The following UGT1A7 variants were observed in gnomAD, a reference collection of about 807,000 sequenced individuals.
UGT1A7 encodes the protein UDP glucuronosyltransferase family 1 member A7.
Under a neutral mutation model 45.6 loss-of-function variants are expected in UGT1A7, and 33 were observed. That is an observed-to-expected ratio of 0.72 (90% CI 0.55 to 0.97). UGT1A7 has a LOEUF of 0.97. UGT1A7 is among the 50% of genes least tolerant of loss of function. The pLI, the probability that UGT1A7 is intolerant of heterozygous loss-of-function variation, is 0.00. For missense variants in UGT1A7, 684 were observed against 666.2 expected, an observed-to-expected ratio of 1.03 and a Z score of -0.29; for synonymous variants, 274 against 250.6, an observed-to-expected ratio of 1.09 and a Z score of -0.88.
intron 1 of UGT1A7, chr2:233,761,142 A>G: frequency 5.0e-6 from 8 of 1,614,232 alleles, no homozygotes; most frequent in Non-Finnish European, 5.9e-6. Context: ...ACCAAAATCC[A>G]CTATCCCAGG....
intron 1 of UGT1A7, chr2:233,755,113 A>G (rs1695768898): frequency 4.5e-6 from 6 of 1,332,422 alleles, no homozygotes; most frequent in Non-Finnish European, 6.1e-6. Flanking sequence ...AACACCTCGT[A>G]GGCCTCAGCC....
At chr2:233,762,544 T>C (rs755070967) in intron 1 of UGT1A7, among the ~76,000 whole-genome samples, 100 of 152,370 alleles carry the variant, frequency 6.6e-4, no homozygotes, top group Middle Eastern at 6.8e-3. Flanking sequence ...TACCACAGTG[T>C]ATTCTGCTGG....
At chr2:233,753,815 C>T (rs973351937) in intron 1 of UGT1A7, among the ~76,000 whole-genome samples, 12 of 152,170 alleles carry the variant, frequency 7.9e-5, no homozygotes, top group Admixed American at 5.2e-4. Context: ...TGGAGAACCA[C>T]GTTAGGGCTG....
At chr2:233,687,583 T>TAA (rs71398794) in intron 1 of UGT1A7, among the ~76,000 whole-genome samples, 17 of 107,406 alleles carry the variant, frequency 1.6e-4, no homozygotes, top group Admixed American at 4.2e-4. Flanking sequence ...ACATTCTTTG[T>TAA]AAAAAAAAAA....
intron 1 of UGT1A7, chr2:233,755,013 G>A (rs1255177181): frequency 7.7e-7 from 1 of 1,294,530 alleles, no homozygotes; most frequent in Admixed American, 1.9e-5. Flanking sequence ...CTACTCGAAG[G>A]GGTCCTTGAA....
chr2:233,692,974 T>C, intron 1 of UGT1A7: 1 of 1,612,390 alleles, frequency 6.2e-7, no homozygotes, highest in South Asian at 1.1e-5. Flanking sequence ...GAAAACTCTT[T>C]ATTACCGTTG....
intron 1 of UGT1A7, among the ~76,000 whole-genome samples, chr2:233,694,833 A>C (rs2075242896): frequency 6.6e-6 from 1 of 152,210 alleles, no homozygotes; most frequent in African/African-American, 2.4e-5. Flanking sequence ...AAAACATAGA[A>C]TGTCAGGATT....
chr2:233,706,757 A>G (rs2075922753), intron 1 of UGT1A7, among the ~76,000 whole-genome samples: 1 of 152,212 alleles, frequency 6.6e-6, no homozygotes, highest in African/African-American at 2.4e-5. Context: ...AGAGTGCCGT[A>G]CACTGGTATC....
At chr2:233,760,294 G>A (rs1697387669) in intron 1 of UGT1A7, 1 of 1,613,420 alleles carries the variant, frequency 6.2e-7, no homozygotes, top group East Asian at 2.2e-5. Context: ...CGCCATGGCT[G>A]TGGAGTCCCA....
intron 1 of UGT1A7, among the ~76,000 whole-genome samples, chr2:233,684,305 C>T (rs918223536): frequency 8.5e-5 from 13 of 152,174 alleles, no homozygotes; most frequent in Non-Finnish European, 1.8e-4. Context: ...CAAGACCAGG[C>T]GAGGAGATGC....
chr2:233,686,715 G>A (rs138506626), intron 1 of UGT1A7, among the ~76,000 whole-genome samples: 93 of 152,138 alleles, frequency 6.1e-4, no homozygotes, highest in African/African-American at 2.1e-3. Flanking sequence ...CCCTCCCACC[G>A]GCTATGAAGG....
intron 1 of UGT1A7, among the ~76,000 whole-genome samples, chr2:233,727,335 C>T (rs1297453544): frequency 1.3e-5 from 2 of 152,170 alleles, no homozygotes; most frequent in Admixed American, 1.3e-4. Context: ...GAGCTCCTCC[C>T]TCCCCATAGT....
At position 233,721,338 on chromosome 2, in the gene UGT1A7, A is replaced by C. The variant is rs569629539; in HGVS notation, c.855+38546A>C. On this transcript the variant is annotated intron_variant, in intron 1 of 4. Transcript: ENST00000373426. Reference sequence around the variant, plus strand: ...TCTTTTCTTGTGGTTTTTCACTATGAATATATTCTTTAGACTGAACTGCAC... The same window carrying C: ...TCTTTTCTTGTGGTTTTTCACTATGCATATATTCTTTAGACTGAACTGCAC... Among the ~76,000 whole-genome samples, 10 of 152,226 alleles carry C rather than the reference A, an allele frequency of 6.6e-5. No homozygotes were observed. The South Asian group carries it at 1.9e-3, about 28-fold the overall frequency.
chr2:233,705,149 AG>A (rs1246155898), intron 1 of UGT1A7, among the ~76,000 whole-genome samples: 3 of 145,754 alleles, frequency 2.1e-5, no homozygotes, highest in African/African-American at 5.2e-5. Context: ...AAAAAAAAAA[AG>A]AGAGAGAGAG....
intron 1 of UGT1A7, among the ~76,000 whole-genome samples, chr2:233,702,352 T>C (rs891619991): frequency 3.9e-5 from 6 of 152,206 alleles, no homozygotes; most frequent in African/African-American, 1.2e-4. Flanking sequence ...TCTAATAGTT[T>C]TTTTTTAGTG....
intron 1 of UGT1A7, among the ~76,000 whole-genome samples, chr2:233,696,067 T>A (rs1181513813): frequency 6.6e-6 from 1 of 152,174 alleles, no homozygotes; most frequent in Non-Finnish European, 1.5e-5. Flanking sequence ...GTACAGCCAC[T>A]ATGAAGAACA....
intron 1 of UGT1A7, among the ~76,000 whole-genome samples, chr2:233,766,542 G>T (rs186130827): frequency 4.6e-5 from 7 of 152,298 alleles, no homozygotes; most frequent in African/African-American, 1.7e-4. Context: ...AAACAAAAAT[G>T]CCTGTCCTCA....
chr2:233,710,028 T>G (rs1217910588), intron 1 of UGT1A7, among the ~76,000 whole-genome samples: 1 of 152,260 alleles, frequency 6.6e-6, no homozygotes, highest in Non-Finnish European at 1.5e-5. Flanking sequence ...ACAGGTATAC[T>G]GTTTTGTGTC....
At chr2:233,717,513 G>C (rs867962435) in intron 1 of UGT1A7, among the ~76,000 whole-genome samples, 30 of 152,358 alleles carry the variant, frequency 2.0e-4, no homozygotes, top group Non-Finnish European at 3.5e-4. Context: ...TCTAATGGGA[G>C]TAACTTCCTC....
Sources: gnomAD v4.1 joint callset for allele counts (sites outside exome capture counted in the v4.1 genomes callset) on GRCh38, gnomAD v4.1.1 for gene constraint, MANE v1.5 for transcripts, NCBI Gene and HGNC (gene_info 2026-07-23, HGNC 2026-07-21) for gene names.